The following NCR3LG1 variants were observed in gnomAD, a reference collection of about 807,000 sequenced individuals.
NCR3LG1 encodes the protein natural killer cell cytotoxicity receptor 3 ligand 1, also known as natural cytotoxicity triggering receptor 3 ligand 1.
A neutral mutation model predicts 34.8 loss-of-function variants in NCR3LG1; 35 were observed. The ratio of observed to expected loss-of-function variants is 1.01; its 90% CI spans 0.77 to 1.33. The LOEUF (loss-of-function observed/expected upper bound fraction) is 1.33. Among genes scored for constraint, NCR3LG1 ranks in the 40% most tolerant of loss-of-function variants. The probability of loss-of-function intolerance (pLI) is 0.00; values close to 1 mark genes in which losing one functional copy is unlikely to be tolerated. For missense variants in NCR3LG1, 452 were observed against 423.3 expected, an observed-to-expected ratio of 1.07 and a Z score of -0.60; for synonymous variants, 173 against 163.6, an observed-to-expected ratio of 1.06 and a Z score of -0.44.
At chr11:17,380,179 T>C (rs538932270), downstream of NCR3LG1, among the ~76,000 whole-genome samples, 1 of 152,312 alleles carries the variant, frequency 6.6e-6, no homozygotes, top group South Asian at 2.1e-4. Context: ...CATTTTGTTA[T>C]CACATTGATG....
At chr11:17,380,138 G>T (rs1953506174), downstream of NCR3LG1, among the ~76,000 whole-genome samples, 1 of 152,178 alleles carries the variant, frequency 6.6e-6, no homozygotes, top group African/African-American at 2.4e-5. Flanking sequence ...GTGTATATTA[G>T]GTGCTAGAAT....
chr11:17,358,112 C>T lies in NCR3LG1; in HGVS notation c.421+1111C>T, dbSNP rs1221398973. On this transcript the variant is annotated intron_variant, in intron 2 of 4. Transcript: ENST00000338965. Reference sequence around the variant, plus strand: ...TCTCATATCACTCACGCCCTGCATACCATTTCCCCTGTTATTAACATCTTG... The same window carrying T: ...TCTCATATCACTCACGCCCTGCATATCATTTCCCCTGTTATTAACATCTTG... 2.0e-5 allele frequency among the ~76,000 whole-genome samples: 3 copies of T among 152,142 alleles called. No individual in the cohort carries two copies. In the East Asian group the frequency reaches 5.8e-4, roughly 29 times the overall value.
At chr11:17,365,353 A>G (rs937180923) in intron 2 of NCR3LG1, among the ~76,000 whole-genome samples, 1 of 152,064 alleles carries the variant, frequency 6.6e-6, no homozygotes, top group Non-Finnish European at 1.5e-5. Flanking sequence ...CTCACTTATA[A>G]TCTTCTGTTA....
chr11:17,355,065 A>G (rs1953189360), intron 1 of NCR3LG1, among the ~76,000 whole-genome samples: 2 of 152,212 alleles, frequency 1.3e-5, no homozygotes, highest in Admixed American at 1.3e-4. Flanking sequence ...TTGTTGGAAT[A>G]GGTATAAGCG....
chr11:17,377,928 A>G (rs1424018319), downstream of NCR3LG1, among the ~76,000 whole-genome samples: 5 of 152,170 alleles, frequency 3.3e-5, no homozygotes, highest in Non-Finnish European at 5.9e-5. Flanking sequence ...CCTCATATGG[A>G]GACTTAACTG....
chr11:17,359,452 C>T (rs769158253), intron 2 of NCR3LG1, among the ~76,000 whole-genome samples: 3 of 151,536 alleles, frequency 2.0e-5, no homozygotes, highest in Admixed American at 6.6e-5. Flanking sequence ...ACCTGTACTC[C>T]GATAAGAAAC....
rs1953216552 is a variant in NCR3LG1, at chr11:17,356,909, C to T, written c.329C>T (p.Pro110Leu). ...AGTGGGGACGCCTCACTGCGGCTGC[C>T]TGGAATCCAGCTGGAGGAAGCAGGA... is the stretch of plus-strand genomic sequence containing the variant. ...LKSGDASLRL[P>L]GIQLEEAGEY... The change falls in exon 2 of 5, where the codon CCT (proline) becomes CTT (leucine). Residue 110 changes from proline (P) to leucine (L), a missense_variant. Pro to Leu is a moderately conservative substitution (Grantham distance 98, BLOSUM62 -3). Coordinates refer to ENST00000338965, the MANE Select transcript of NCR3LG1 (RefSeq NM_001202439.3). The T allele has an allele frequency of 6.5e-7, 1 of 1,536,004 alleles. No homozygotes were observed. Among genetic ancestry groups the T allele is most frequent in the African/African-American group, 1.4e-5 (1 of 73,034 alleles).
chr11:17,364,509 C>T (rs374656989), intron 2 of NCR3LG1, among the ~76,000 whole-genome samples: 76 of 150,722 alleles, frequency 5.0e-4, no homozygotes, highest in African/African-American at 1.8e-3. Flanking sequence ...TGGGAAGTTT[C>T]TATTAACATC....
intron 2 of NCR3LG1, among the ~76,000 whole-genome samples, chr11:17,363,143 G>T (rs1465322827): frequency 6.8e-6 from 1 of 147,198 alleles, no homozygotes. Flanking sequence ...GACTCGTCTT[G>T]AACTCCCTCG....
At chr11:17,370,252 C>CACTTCA (rs1415388272) in intron 4 of NCR3LG1, among the ~76,000 whole-genome samples, 2 of 152,188 alleles carry the variant, frequency 1.3e-5, no homozygotes, top group Admixed American at 6.5e-5. Context: ...ATTAAACTTT[C>CACTTCA]ACTTCAACTT....
intron 1 of NCR3LG1, 146 bp downstream of exon 1, chr11:17,352,185 T>C: frequency 2.0e-6 from 1 of 505,028 alleles, no homozygotes; most frequent in Admixed American, 4.1e-5. Context: ...TCCTTTTTTT[T>C]TTTTTTTTTT....
At chr11:17,371,920 C>T (rs773204783) in intron 4 of NCR3LG1, 86 bp from the exon 5 acceptor site, 24 of 615,130 alleles carry the variant, frequency 3.9e-5, no homozygotes, top group Middle Eastern at 4.3e-4. Context: ...AGAAGGGGGA[C>T]GCCCCTTCCA....
chr11:17,366,168 G>A (rs570042855), intron 2 of NCR3LG1, among the ~76,000 whole-genome samples: 1 of 152,280 alleles, frequency 6.6e-6, no homozygotes, highest in Admixed American at 6.5e-5. Context: ...GGGCAGATAT[G>A]GCAGCTAGCT....
rs1432542610 is a variant in NCR3LG1 at position 17,367,282 on chromosome 11, A to C, written c.695A>C (p.His232Pro). 2 of 1,536,094 alleles carry C rather than the reference A, an allele frequency of 1.3e-6. No individual in the cohort carries two copies. The highest frequency in any genetic ancestry group is 2.7e-5 in the African/African-American group (2 of 73,026). Residue 232 changes from histidine (H) to proline (P), a missense_variant, in exon 3 of 5, where the codon CAT (histidine) becomes CCT (proline). By Grantham distance (77) the His-to-Pro change is moderately conservative (BLOSUM62 -2). Transcript: ENST00000338965. ...ACTGTCTACCAGTGTGTGGTACGGC[A>C]TGCGTCCTTGCATACCCCCTTGAGG... ...PGTVYQCVVR[H>P]ASLHTPLRSN...
chr11:17,352,436 A>G (rs1196491846), intron 1 of NCR3LG1, among the ~76,000 whole-genome samples: 1 of 151,816 alleles, frequency 6.6e-6, no homozygotes, highest in Non-Finnish European at 1.5e-5. Context: ...CGGCCTCCCA[A>G]AGTGCGGGGA....
At chr11:17,356,540 G>A in intron 1 of NCR3LG1, 111 bp from the exon 2 acceptor site, 1 of 749,656 alleles carries the variant, frequency 1.3e-6, no homozygotes, top group Non-Finnish European at 2.1e-6. Context: ...TCACACTGGG[G>A]GTCAGGCCTC....
intron 1 of NCR3LG1, among the ~76,000 whole-genome samples, chr11:17,356,409 T>G (rs987142918): frequency 2.0e-5 from 3 of 152,132 alleles, no homozygotes; most frequent in Admixed American, 2.0e-4. Context: ...AGTGCTGGGA[T>G]TACAGGCATG....
chr11:17,360,851 C>G (rs181924549), intron 2 of NCR3LG1, among the ~76,000 whole-genome samples: 84 of 152,304 alleles, frequency 5.5e-4, no homozygotes, highest in Middle Eastern at 3.4e-3. Flanking sequence ...ATCCTACCAT[C>G]TCAGCTTTCC....
chr11:17,371,140 C>G (rs763096932), intron 4 of NCR3LG1, among the ~76,000 whole-genome samples: 1 of 148,240 alleles, frequency 6.7e-6, no homozygotes, highest in Non-Finnish European at 1.5e-5. Context: ...TTTAAGCATT[C>G]CCTCTATGAG....
Sources: gnomAD v4.1 joint callset for allele counts (sites outside exome capture counted in the v4.1 genomes callset) on GRCh38, gnomAD v4.1.1 for gene constraint, MANE v1.5 for transcripts, NCBI Gene and HGNC (gene_info 2026-07-23, HGNC 2026-07-21) for gene names.